The following IQSEC3 variants were observed in gnomAD, a reference collection of about 807,000 sequenced individuals.
The protein encoded by IQSEC3 is IQ motif and Sec7 domain ArfGEF 3, also known as IQ motif and SEC7 domain-containing protein 3.
IQSEC3 carries 50 observed loss-of-function variants against 105.4 expected under a neutral mutation model. The ratio of observed to expected loss-of-function variants is 0.47; its 90% confidence interval spans 0.38 to 0.60. IQSEC3 has a LOEUF of 0.60. Among genes scored for constraint, IQSEC3 ranks in the 20% least tolerant of loss-of-function variants. The pLI is 0.00. For synonymous variants in IQSEC3, 708 were observed against 746.0 expected (o/e 0.95, Z 0.83); for missense variants, 1,415 against 1,630.0 (o/e 0.87, Z 2.27).
At chr12:111,036 C>A (rs2136943607) in intron 2 of IQSEC3, among the ~76,000 whole-genome samples, 1 of 152,296 alleles carries the variant, frequency 6.6e-6, no homozygotes, top group Non-Finnish European at 1.5e-5. Context: ...TTGCTGCCCC[C>A]CGATCGCCCT....
chr12:81,896 G>A (rs922223937), intron 1 of IQSEC3, among the ~76,000 whole-genome samples: 1 of 152,144 alleles, frequency 6.6e-6, no homozygotes, highest in African/African-American at 2.4e-5. Context: ...GGCAAAGAGC[G>A]TTTCAAAGGC....
chr12:171,378 T>C (rs1938988530), intron 13 of IQSEC3: 13 of 1,523,678 alleles, frequency 8.5e-6, no homozygotes, highest in Non-Finnish European at 1.2e-5. Flanking sequence ...TTCTCCCCTT[T>C]CCCCAGCCTG....
intron 1 of IQSEC3, among the ~76,000 whole-genome samples, chr12:70,377 G>A (rs1316314578): frequency 1.3e-5 from 2 of 152,270 alleles, no homozygotes; most frequent in African/African-American, 4.8e-5. Flanking sequence ...TGGTGGTCTT[G>A]GAGGTCAGTC....
intron 2 of IQSEC3, among the ~76,000 whole-genome samples, chr12:121,496 C>A (rs1353235304): frequency 2.0e-5 from 3 of 152,178 alleles, no homozygotes; most frequent in Non-Finnish European, 4.4e-5. Flanking sequence ...AAATGCCCAC[C>A]CAGGAATCCC....
At chr12:71,560 T>C (rs1350543460) in intron 1 of IQSEC3, among the ~76,000 whole-genome samples, 1 of 152,288 alleles carries the variant, frequency 6.6e-6, no homozygotes, top group Non-Finnish European at 1.5e-5. Flanking sequence ...TATGTCAGAA[T>C]TGTAAGAGGC....
chr12:149,571 T>C (rs1866422560), intron 5 of IQSEC3, among the ~76,000 whole-genome samples: 1 of 152,078 alleles, frequency 6.6e-6, no homozygotes, highest in Non-Finnish European at 1.5e-5. Context: ...CACAAAACAG[T>C]GATTGGGTGC....
intron 3 of IQSEC3, among the ~76,000 whole-genome samples, chr12:132,781 C>A (rs1021173018): frequency 1.3e-5 from 2 of 152,160 alleles, no homozygotes; most frequent in Non-Finnish European, 2.9e-5. Context: ...AGAGGATACA[C>A]AGGCTGCTGG....
chr12:144,116 G>A (rs1269824616), intron 5 of IQSEC3: 7 of 152,440 alleles, frequency 4.6e-5, no homozygotes, highest in African/African-American at 1.7e-4. Context: ...GCCCCTCCCT[G>A]AAGTCCATAG....
Position 152,763 on chromosome 12 carries a change from T to C in IQSEC3, c.2154-4262T>C, listed in dbSNP as rs4980804. 0.38 allele frequency among the ~76,000 whole-genome samples: 57,702 copies of C among 152,064 alleles called. 12,714 individuals carry two copies. Among genetic ancestry groups the C allele is most frequent in the Non-Finnish European group, 0.5 (33,940 of 67,976 alleles). ...GGGGCAGGGAGAGGCCTCACAAGAT[T>C]AGGAAGCTGAAAGCCTGCTCTCCCT... On this transcript the variant is annotated intron_variant, in intron 5 of 13. Transcript: ENST00000538872. This position sits in a 1 kb window ranked among gnomAD's most constrained non-coding sequence, Gnocchi z 4.8.
At chr12:147,214 G>A (rs1175371310) in intron 5 of IQSEC3, among the ~76,000 whole-genome samples, 4 of 152,104 alleles carry the variant, frequency 2.6e-5, no homozygotes, top group East Asian at 1.9e-4. Context: ...GGTCTTCCGG[G>A]GTGTCACTGT....
At chr12:74,634 G>C (rs1183731150) in intron 1 of IQSEC3, among the ~76,000 whole-genome samples, 1 of 152,258 alleles carries the variant, frequency 6.6e-6, no homozygotes, top group Non-Finnish European at 1.5e-5. Flanking sequence ...CCAAGTCCCT[G>C]CCCAGAGAAG....
chr12:171,348 C>G, intron 13 of IQSEC3, 187 bp downstream of exon 13: 1 of 1,601,246 alleles, frequency 6.2e-7, no homozygotes. Flanking sequence ...GTTCCAGCGC[C>G]TAATTAAGCC....
chr12:130,611 G>A (rs1865555217), intron 3 of IQSEC3, among the ~76,000 whole-genome samples: 1 of 152,202 alleles, frequency 6.6e-6, no homozygotes. Flanking sequence ...AGGGTCTCAT[G>A]ACCTCACTAC....
chr12:135,751 A>C (rs954207770), intron 3 of IQSEC3, among the ~76,000 whole-genome samples: 3 of 152,254 alleles, frequency 2.0e-5, no homozygotes, highest in African/African-American at 7.2e-5. Flanking sequence ...GCCACATGGT[A>C]GGGGACAGCA....
intron 2 of IQSEC3, among the ~76,000 whole-genome samples, chr12:107,249 G>A (rs1864685775): frequency 6.6e-6 from 1 of 152,170 alleles, no homozygotes; most frequent in African/African-American, 2.4e-5. Context: ...CCCCGGCAGT[G>A]GCAGCTGGGA....
At chr12:123,929 T>G (rs912959850) in intron 2 of IQSEC3, among the ~76,000 whole-genome samples, 2 of 152,294 alleles carry the variant, frequency 1.3e-5, no homozygotes, top group African/African-American at 4.8e-5. Flanking sequence ...TTTCTGTCAC[T>G]GTCCACTGTA....
In IQSEC3 at chr12:78,472, T is replaced by C. The variant is rs1180755934; in HGVS notation, c.554+11036T>C. On this transcript the variant is annotated intron_variant, in intron 1 of 13. Coordinates refer to ENST00000538872, the MANE Select transcript of IQSEC3 (RefSeq NM_001170738.2). ...GTACAAATTCTACTCAGCATCCACC[T>C]TTCCTGTCTTCCTTGTACCCAAGAC... 1.1e-4 allele frequency among the ~76,000 whole-genome samples: 17 copies of C among 151,848 alleles called. No individual in the cohort carries two copies. In the East Asian group the frequency reaches 3.3e-3, roughly 29 times the overall value.
At chr12:147,110 C>T (rs1354614454) in intron 5 of IQSEC3, among the ~76,000 whole-genome samples, 1 of 152,192 alleles carries the variant, frequency 6.6e-6, no homozygotes, top group Non-Finnish European at 1.5e-5. Flanking sequence ...CCAGTCCTCC[C>T]CTGACTACTC....
chr12:100,727 C>A (rs539184782), intron 2 of IQSEC3, among the ~76,000 whole-genome samples: 1 of 152,120 alleles, frequency 6.6e-6, no homozygotes, highest in African/African-American at 2.4e-5. Flanking sequence ...CAACTTGGAC[C>A]CTTGAGAAGT....
Sources: allele counts gnomAD v4.1 joint callset (sites outside exome capture counted in the v4.1 genomes callset), GRCh38; gene constraint gnomAD v4.1.1; non-coding constraint Gnocchi (gnomAD v3.1); transcripts MANE v1.5; gene names NCBI Gene and HGNC (gene_info 2026-07-23, HGNC 2026-07-21).